PDE4D: variants seen among roughly 807,000 people sequenced by gnomAD.
PDE4D encodes phosphodiesterase 4D.
PDE4D carries 24 observed loss-of-function variants against 87.4 expected under a neutral mutation model. The ratio of observed to expected loss-of-function variants is 0.27; its 90% CI spans 0.20 to 0.39. The LOEUF is 0.39. Ranked by LOEUF, PDE4D falls within the 10% of genes least tolerant of loss-of-function variation. The pLI is 1.00. For synonymous variants in PDE4D, 384 were observed against 383.2 expected (o/e 1.00, Z -0.02); for missense variants, 714 against 1,041.0 (o/e 0.69, Z 4.32).
At chr5:60,303,094 A>G (rs111735094) in intron 1 of PDE4D, among the ~76,000 whole-genome samples, 9,192 of 151,996 alleles carry the variant, frequency 0.06, 920 homozygotes, top group African/African-American at 0.21. Context: ...CTCCCCAAGT[A>G]CTGGGATTAC....
At position 59,854,540 on chromosome 5, in the gene PDE4D, T is replaced by C. The variant is rs750621193; in HGVS notation, c.455+38628A>G. On this transcript the variant is annotated intron_variant, in intron 1 of 14. Coordinates refer to ENST00000340635, the MANE Select transcript of PDE4D (RefSeq NM_001104631.2). ...TTCCTTTGAAGTTGTGCTTAGAGGG[T>C]ATCACCCTAAACATCCAATATTATA... 5.5e-4 allele frequency among the ~76,000 whole-genome samples: 83 copies of C among 152,236 alleles called. No individual in the cohort carries two copies. The Middle Eastern group carries it at 0.014, about 25-fold the overall frequency.
intron 10 of PDE4D, 95 bp downstream of exon 10, chr5:58,989,660 A>AAT (rs1747401832): frequency 1.5e-6 from 1 of 689,358 alleles, no homozygotes; most frequent in South Asian, 2.2e-5. Flanking sequence ...CAATGAATCC[A>AAT]ATTATCTTCT....
At chr5:58,991,041 G>C (rs577217594) in intron 8 of PDE4D, 139 bp from the exon 9 acceptor site, 312 of 576,286 alleles carry the variant, frequency 5.4e-4, no homozygotes, top group Non-Finnish European at 8.7e-4. Context: ...AGAACTTTGG[G>C]AGGCTGAGGC....
intron 1 of PDE4D, among the ~76,000 whole-genome samples, chr5:60,395,107 C>T (rs1042682893): frequency 3.9e-5 from 6 of 152,120 alleles, no homozygotes; most frequent in Non-Finnish European, 7.4e-5. Context: ...TGTACAGGTG[C>T]GGTGGGATTC....
intron 5 of PDE4D, among the ~76,000 whole-genome samples, chr5:59,075,777 G>C (rs1580669799): frequency 6.6e-6 from 1 of 151,890 alleles, no homozygotes; most frequent in South Asian, 2.1e-4. Context: ...TTAGAATACT[G>C]TTTTTATTTT....
At chr5:59,244,884 T>C (rs1191420555) in intron 1 of PDE4D, among the ~76,000 whole-genome samples, 1 of 151,638 alleles carries the variant, frequency 6.6e-6, no homozygotes, top group African/African-American at 2.4e-5. Flanking sequence ...GTTTTAATGA[T>C]GGCTATCCCT....
chr5:60,220,247 G>A (rs1744343990), intron 1 of PDE4D, among the ~76,000 whole-genome samples: 1 of 152,056 alleles, frequency 6.6e-6, no homozygotes, highest in Admixed American at 6.6e-5. Context: ...AAAAGGTAAA[G>A]GACTCCAAGA....
At chr5:58,986,785 G>C (rs993164150) in intron 11 of PDE4D, among the ~76,000 whole-genome samples, 5 of 152,112 alleles carry the variant, frequency 3.3e-5, no homozygotes, top group Non-Finnish European at 5.9e-5. Flanking sequence ...ATGAAGAATA[G>C]AGCAGGTCCT....
chr5:59,639,826 T>A (rs1421314899), intron 1 of PDE4D, among the ~76,000 whole-genome samples: 1 of 145,212 alleles, frequency 6.9e-6, no homozygotes, highest in Non-Finnish European at 1.5e-5. Flanking sequence ...TGTGTGTGTG[T>A]GTGTGTGTGT....
chr5:59,623,174 C>T (rs1466703484), intron 1 of PDE4D, among the ~76,000 whole-genome samples: 3 of 152,172 alleles, frequency 2.0e-5, no homozygotes, highest in Non-Finnish European at 2.9e-5. Context: ...TCCTTGCTCA[C>T]ATCCTCATTT....
chr5:59,889,192 C>G (rs921982510), intron 1 of PDE4D, among the ~76,000 whole-genome samples: 2 of 140,268 alleles, frequency 1.4e-5, no homozygotes, highest in Non-Finnish European at 3.0e-5. Flanking sequence ...TGTGCCACTG[C>G]ACACTCCAGC....
intron 1 of PDE4D, among the ~76,000 whole-genome samples, chr5:59,303,197 T>C (rs76062456): frequency 2.6e-5 from 4 of 152,162 alleles, no homozygotes; most frequent in African/African-American, 9.6e-5. Context: ...CTTTTGTGAA[T>C]TGCCTACTCA....
intron 1 of PDE4D, among the ~76,000 whole-genome samples, chr5:59,876,323 G>A (rs1475431967): frequency 1.3e-5 from 2 of 152,120 alleles, no homozygotes; most frequent in Admixed American, 1.3e-4. Context: ...TAGTGATGGT[G>A]ATGATGATGA....
At chr5:59,634,454 C>T (rs1447757723) in intron 1 of PDE4D, among the ~76,000 whole-genome samples, 3 of 152,168 alleles carry the variant, frequency 2.0e-5, no homozygotes, top group African/African-American at 4.8e-5. Context: ...CACCACATTG[C>T]ACTTATTCTA....
chr5:59,838,655 G>A (rs957179383), intron 1 of PDE4D, among the ~76,000 whole-genome samples: 6 of 151,838 alleles, frequency 4.0e-5, no homozygotes, highest in Admixed American at 2.0e-4. Flanking sequence ...TGAAACTTCC[G>A]TCATGAAGGT....
At chr5:59,965,626 T>C (rs1221467600) in intron 3 of PDE4D, among the ~76,000 whole-genome samples, 1 of 152,188 alleles carries the variant, frequency 6.6e-6, no homozygotes, top group African/African-American at 2.4e-5. Context: ...TTATAACCAC[T>C]TCACCTCTCC....
rs181547553 is a variant in PDE4D, at chr5:59,210,947, C to G, written c.647+4830G>C. On this transcript the variant is annotated intron_variant, in intron 2 of 14. Coordinates refer to ENST00000340635, the MANE Select transcript of PDE4D (RefSeq NM_001104631.2). ...TCTTAATCTTTGCAATGTATCATAA[C>G]TTTATGTGTTTCCAAATACAGATAC... Among the ~76,000 whole-genome samples, 32 of 152,226 alleles carry G rather than the reference C, an allele frequency of 2.1e-4. No individual in the cohort carries two copies. In the South Asian group the frequency reaches 2.7e-3, roughly 13 times the overall value.
rs140376781 is a variant in PDE4D at position 59,767,983 on chromosome 5, G to A, written c.455+125185C>T. On this transcript the variant is annotated intron_variant, in intron 1 of 14. Transcript: ENST00000340635. ...AAACTGCATTCTTATTTGACATCTG[G>A]CATCCAATTTTCTTGTAGGAACTTG... is the stretch of plus-strand genomic sequence containing the variant. Among the ~76,000 whole-genome samples the A allele has an allele frequency of 1.4e-3, 216 of 152,256 alleles. 1 individual carries two copies. The highest frequency in any genetic ancestry group is 4.8e-3 in the African/African-American group (201 of 41,552).
chr5:60,424,493 T>TA (rs1271547907), intron 1 of PDE4D, among the ~76,000 whole-genome samples: 1 of 152,190 alleles, frequency 6.6e-6, no homozygotes, highest in African/African-American at 2.4e-5. Context: ...CCCTTCATGC[T>TA]AAAAACTCTC....
Sources: gnomAD v4.1 joint callset for allele counts (sites outside exome capture counted in the v4.1 genomes callset) on GRCh38, gnomAD v4.1.1 for gene constraint, MANE v1.5 for transcripts, NCBI Gene and HGNC (gene_info 2026-07-23, HGNC 2026-07-21) for gene names.